PPFIA2: variants seen among roughly 807,000 people sequenced by gnomAD.
PPFIA2 encodes PPFI scaffold protein A2.
A neutral mutation model predicts 175.5 loss-of-function variants in PPFIA2; 46 were observed. That is an observed-to-expected ratio of 0.26 (90% CI 0.21 to 0.34). The LOEUF is 0.34. PPFIA2 is among the 10% of genes least tolerant of loss of function. The probability of loss-of-function intolerance (pLI) is 1.00; values close to 1 mark genes in which losing one functional copy is unlikely to be tolerated. For synonymous variants in PPFIA2, 568 were observed against 511.4 expected (o/e 1.11, Z -1.49); for missense variants, 1,179 against 1,506.1 (o/e 0.78, Z 3.60).
chr12:81,492,338 G>T (rs1409548890), intron 4 of PPFIA2, among the ~76,000 whole-genome samples: 1 of 152,002 alleles, frequency 6.6e-6, no homozygotes, highest in African/African-American at 2.4e-5. Context: ...TATAGTAGCA[G>T]ACTAAATTTA....
At chr12:81,367,421 T>C (rs1237910324) in intron 13 of PPFIA2, among the ~76,000 whole-genome samples, 1 of 151,626 alleles carries the variant, frequency 6.6e-6, no homozygotes, top group Non-Finnish European at 1.5e-5. Flanking sequence ...AAATATTGCA[T>C]TTTAAGCTAC....
chr12:81,498,791 A>G (rs2060286059), intron 4 of PPFIA2, among the ~76,000 whole-genome samples: 2 of 151,890 alleles, frequency 1.3e-5, no homozygotes, highest in Admixed American at 1.3e-4. Flanking sequence ...TGCTTGGATA[A>G]TTTTTGTATA....
At chr12:81,293,600 C>G (rs1457318728) in intron 24 of PPFIA2, among the ~76,000 whole-genome samples, 1 of 151,692 alleles carries the variant, frequency 6.6e-6, no homozygotes, top group Non-Finnish European at 1.5e-5. Context: ...ACCATCCCAC[C>G]TCAGTCAGAA....
In PPFIA2 at chr12:81,439,961, T is replaced by G. The variant is rs762819271; in HGVS notation, c.645+11A>C. 6.2e-7 allele frequency: 1 copy of G among 1,604,052 alleles called. No individual in the cohort carries two copies. The highest frequency in any genetic ancestry group is 8.5e-7 in the Non-Finnish European group (1 of 1,175,758). On this transcript the variant is annotated intron_variant, in intron 7 of 32. Transcript: ENST00000549396. ...TTGCACCTCAAAAGAGGAGAAAGTGTGGCAGGTTACCTCCTGATTAGCAGC... is the reference window on the plus strand; with the variant it reads ...TTGCACCTCAAAAGAGGAGAAAGTGGGGCAGGTTACCTCCTGATTAGCAGC...
At chr12:81,438,238 G>T (rs946263868) in intron 7 of PPFIA2, among the ~76,000 whole-genome samples, 1 of 152,198 alleles carries the variant, frequency 6.6e-6, no homozygotes, top group Non-Finnish European at 1.5e-5. Flanking sequence ...GGGAGGCCGA[G>T]GCAGGCGAAT....
intron 14 of PPFIA2, among the ~76,000 whole-genome samples, chr12:81,364,681 AAG>A (rs1003538582): frequency 2.4e-4 from 37 of 151,982 alleles, no homozygotes; most frequent in African/African-American, 8.7e-4. Context: ...GGAGTCAGAA[AAG>A]AGAGGAAATT....
In PPFIA2 at chr12:81,305,300, T is replaced by C. The variant is rs143762395; in HGVS notation, c.2643-5918A>G. The stretch of plus-strand genomic sequence containing the variant: ...TTCCGTTCTCCAATTTTTTCTTATT[T>C]TCCCAAAGCAATTCATTGTGTGTGC... On this transcript the variant is annotated intron_variant, in intron 22 of 32. Transcript: ENST00000549396. Among the ~76,000 whole-genome samples, 21 of 152,320 alleles carry C rather than the reference T, an allele frequency of 1.4e-4. No homozygotes were observed. The East Asian group carries it at 3.7e-3, about 27-fold the overall frequency.
chr12:81,342,261 T>C (rs1238473912), intron 19 of PPFIA2, among the ~76,000 whole-genome samples: 1 of 152,142 alleles, frequency 6.6e-6, no homozygotes, highest in East Asian at 1.9e-4. Flanking sequence ...CAATGCTGCA[T>C]ATTTTTCATG....
intron 4 of PPFIA2, among the ~76,000 whole-genome samples, chr12:81,483,305 A>C (rs1409666903): frequency 6.6e-6 from 1 of 152,176 alleles, no homozygotes; most frequent in African/African-American, 2.4e-5. Context: ...AAAACAACCC[A>C]AATATCTATT....
chr12:81,406,587 TA>T (rs2042977034), intron 7 of PPFIA2, among the ~76,000 whole-genome samples: 2 of 152,072 alleles, frequency 1.3e-5, no homozygotes, highest in African/African-American at 4.8e-5. Flanking sequence ...CTCGGGTACT[TA>T]TAGCATAAGT....
chr12:81,424,772 A>G (rs1420975946), intron 7 of PPFIA2: 1 of 152,158 alleles, frequency 6.6e-6, no homozygotes, highest in African/African-American at 2.4e-5. Flanking sequence ...TTAGCTCCCT[A>G]TAATACCTGC....
At chr12:81,331,465 ACTG>A in intron 21 of PPFIA2, among the ~76,000 whole-genome samples, 1 of 152,314 alleles carries the variant, frequency 6.6e-6, no homozygotes, top group South Asian at 2.1e-4. Flanking sequence ...ATGCTGGTGT[ACTG>A]CTGAAGCTGT....
chr12:81,423,407 C>A (rs1015668795), intron 7 of PPFIA2, among the ~76,000 whole-genome samples: 1 of 152,032 alleles, frequency 6.6e-6, no homozygotes, highest in African/African-American at 2.4e-5. Context: ...ATATCATGAC[C>A]AAGAGAGATT....
At chr12:81,414,177 A>T (rs1464361108) in intron 7 of PPFIA2, among the ~76,000 whole-genome samples, 1 of 151,890 alleles carries the variant, frequency 6.6e-6, no homozygotes, top group East Asian at 1.9e-4. Flanking sequence ...AAAACATTTT[A>T]AAAATATTAT....
intron 4 of PPFIA2, among the ~76,000 whole-genome samples, chr12:81,473,236 T>G (rs2057005831): frequency 6.6e-6 from 1 of 151,988 alleles, no homozygotes; most frequent in Non-Finnish European, 1.5e-5. Context: ...GGTGAAACCT[T>G]GTCTCTACCA....
chr12:81,530,778 T>C (rs2153276692), intron 4 of PPFIA2, among the ~76,000 whole-genome samples: 1 of 151,554 alleles, frequency 6.6e-6, no homozygotes, highest in South Asian at 2.1e-4. Flanking sequence ...TTATATAATA[T>C]ATGTGTTTAA....
At chr12:81,384,379 C>A in intron 8 of PPFIA2, 135 bp from the exon 9 acceptor site, 21 of 649,712 alleles carry the variant, frequency 3.2e-5, no homozygotes, top group South Asian at 5.1e-5. Flanking sequence ...CTAGTTTTGC[C>A]GAAAAACTAA....
intron 9 of PPFIA2, among the ~76,000 whole-genome samples, chr12:81,379,471 G>A (rs1038773099): frequency 3.3e-5 from 5 of 151,986 alleles, no homozygotes; most frequent in Admixed American, 2.6e-4. Flanking sequence ...CTGTTAATAG[G>A]AAGTTGGAAA....
intron 4 of PPFIA2, among the ~76,000 whole-genome samples, chr12:81,612,218 C>A (rs1277870903): frequency 6.6e-6 from 1 of 152,116 alleles, no homozygotes; most frequent in East Asian, 1.9e-4. Context: ...ACTTCCTGGG[C>A]TTTTACTTCC....
Sources: allele counts gnomAD v4.1 joint callset (sites outside exome capture counted in the v4.1 genomes callset), GRCh38; gene constraint gnomAD v4.1.1; transcripts MANE v1.5; gene names NCBI Gene and HGNC (gene_info 2026-07-23, HGNC 2026-07-21).